Variants in PRTFDC1 observed in about 807,000 individuals in gnomAD.
PRTFDC1 encodes the protein phosphoribosyltransferase domain-containing protein 1.
PRTFDC1 carries 38 observed loss-of-function variants against 34.6 expected under a neutral mutation model. The ratio of observed to expected loss-of-function variants is 1.10; its 90% CI spans 0.85 to 1.44. The LOEUF (loss-of-function observed/expected upper bound fraction) is 1.44. Ranked by LOEUF, PRTFDC1 falls within the 40% of genes most tolerant of loss-of-function variation. The probability of loss-of-function intolerance (pLI) is 0.00; values close to 1 mark genes in which losing one functional copy is unlikely to be tolerated. For missense variants in PRTFDC1, 270 were observed against 283.0 expected (o/e 0.95, Z 0.33); for synonymous variants, 93 against 98.1 (o/e 0.95, Z 0.31).
At chr10:24,855,868 A>T (rs1446581457) in intron 6 of PRTFDC1, among the ~76,000 whole-genome samples, 1 of 152,132 alleles carries the variant, frequency 6.6e-6, no homozygotes, top group Admixed American at 6.6e-5. Context: ...CATGCTTGTA[A>T]TTCCAGCACT....
chr10:24,879,689 T>C (rs1402394435), intron 3 of PRTFDC1, among the ~76,000 whole-genome samples: 1 of 152,156 alleles, frequency 6.6e-6, no homozygotes, highest in Non-Finnish European at 1.5e-5. Context: ...GAGGAAATGT[T>C]CTGCTACCAA....
intron 3 of PRTFDC1, among the ~76,000 whole-genome samples, chr10:24,922,948 G>A (rs547394896): frequency 2.0e-5 from 3 of 152,176 alleles, no homozygotes; most frequent in Non-Finnish European, 4.4e-5. Flanking sequence ...TCCAAATACT[G>A]CACTTTTCCC....
intron 1 of PRTFDC1, among the ~76,000 whole-genome samples, chr10:24,945,429 T>C (rs1281317592): frequency 6.6e-6 from 1 of 152,222 alleles, no homozygotes; most frequent in Non-Finnish European, 1.5e-5. Context: ...ATCCATTGGC[T>C]GACTGATGGC....
intron 3 of PRTFDC1, among the ~76,000 whole-genome samples, chr10:24,905,375 G>A (rs534308744): frequency 1.4e-5 from 2 of 142,066 alleles, no homozygotes; most frequent in African/African-American, 5.3e-5. Context: ...AGGATGGAGT[G>A]CAGTGACACG....
Position 24,852,505 on chromosome 10 carries a change from C to T in PRTFDC1, c.554-1041G>A, listed in dbSNP as rs563394927. ...TGTCCAGGCGTGTGATCATGGCTCACGGCAGCCTCTACCTCCACAGGCTCA... is the reference window on the plus strand; with the variant it reads ...TGTCCAGGCGTGTGATCATGGCTCATGGCAGCCTCTACCTCCACAGGCTCA... On this transcript the variant is annotated intron_variant, in intron 7 of 8. Transcript: ENST00000320152. Among the ~76,000 whole-genome samples, 7 of 152,264 alleles carry T rather than the reference C, an allele frequency of 4.6e-5. No individual in the cohort carries two copies. In the South Asian group the frequency reaches 6.2e-4, roughly 14 times the overall value.
intron 3 of PRTFDC1, among the ~76,000 whole-genome samples, chr10:24,899,428 G>A (rs75736775): frequency 0.12 from 17,709 of 152,078 alleles, 1,262 homozygotes; most frequent in East Asian, 0.29. Context: ...GGGGTTATAC[G>A]CTTGGAGCTC....
intron 3 of PRTFDC1, among the ~76,000 whole-genome samples, chr10:24,890,338 A>C (rs1327623207): frequency 1.3e-5 from 2 of 152,214 alleles, no homozygotes; most frequent in Non-Finnish European, 2.9e-5. Flanking sequence ...GGGAGGATCT[A>C]GGAACAGCTC....
intron 1 of PRTFDC1, among the ~76,000 whole-genome samples, chr10:24,944,046 G>A (rs184447363): frequency 1.2e-3 from 185 of 152,020 alleles, no homozygotes; most frequent in Non-Finnish European, 1.3e-3. Context: ...TTCATTTGCC[G>A]TGCACCCCTT....
intron 1 of PRTFDC1, among the ~76,000 whole-genome samples, chr10:24,946,061 A>T (rs995191654): frequency 1.3e-5 from 2 of 152,114 alleles, no homozygotes; most frequent in Non-Finnish European, 2.9e-5. Flanking sequence ...TCCAGACCAC[A>T]TGTACTATCT....
chr10:24,904,742 C>G lies in PRTFDC1; in HGVS notation c.339+32442G>C, dbSNP rs76142067. 7.2e-3 allele frequency among the ~76,000 whole-genome samples: 1,098 copies of G among 152,282 alleles called. 10 individuals are homozygous for G. Among genetic ancestry groups the G allele is most frequent in the Non-Finnish European group, 0.012 (803 of 68,026 alleles). On this transcript the variant is annotated intron_variant, in intron 3 of 8. Coordinates refer to ENST00000320152, the MANE Select transcript of PRTFDC1 (RefSeq NM_020200.7). ...AGACCACTCTTATTTGTTCCTTTAC[C>G]TATGCTACTGATCCTGTCCATGTGC...
chr10:24,908,494 A>T, intron 3 of PRTFDC1: 2 of 1,611,586 alleles, frequency 1.2e-6, no homozygotes, highest in Non-Finnish European at 1.7e-6. Flanking sequence ...ACCTCACTGG[A>T]TCTCAGACCT....
In PRTFDC1 at chr10:24,890,645, G is replaced by T. The variant is rs140938234; in HGVS notation, c.340-18582C>A. 2.1e-3 allele frequency among the ~76,000 whole-genome samples: 313 copies of T among 152,294 alleles called. 2 individuals are homozygous for T. Among genetic ancestry groups the T allele is most frequent in the African/African-American group, 7.1e-3 (294 of 41,542 alleles). ...GGCAGGGAAGAGGGAACAGGAGGGA[G>T]GGCTATATGAACTCTGTTCCCTGTC... On this transcript the variant is annotated intron_variant, in intron 3 of 8. Coordinates refer to ENST00000320152, the MANE Select transcript of PRTFDC1 (RefSeq NM_020200.7).
chr10:24,917,256 A>C (rs1396667875), intron 3 of PRTFDC1, among the ~76,000 whole-genome samples: 4 of 152,274 alleles, frequency 2.6e-5, no homozygotes, highest in Admixed American at 2.6e-4. Context: ...CCATTTTTTA[A>C]CTGCAAGGGA....
intron 3 of PRTFDC1, among the ~76,000 whole-genome samples, chr10:24,877,187 C>T (rs952865343): frequency 6.6e-6 from 1 of 152,064 alleles, no homozygotes; most frequent in African/African-American, 2.4e-5. Flanking sequence ...AGGCACATAC[C>T]ACCATGCCCG....
At chr10:24,937,555 C>CTTTT (rs35562409) in intron 2 of PRTFDC1, among the ~76,000 whole-genome samples, 188 bp from the exon 3 acceptor site, 1 of 139,004 alleles carries the variant, frequency 7.2e-6, no homozygotes. Context: ...AAACATACTG[C>CTTTT]TTTTTTTTTT....
chr10:24,872,182 G>A (rs1386088692), intron 3 of PRTFDC1, 119 bp from the exon 4 acceptor site: 22 of 813,992 alleles, frequency 2.7e-5, no homozygotes, highest in Non-Finnish European at 4.0e-5. Flanking sequence ...AGCACAAATA[G>A]CTAATAGGGA....
chr10:24,863,833 T>A (rs1847727119), intron 4 of PRTFDC1, among the ~76,000 whole-genome samples: 1 of 151,828 alleles, frequency 6.6e-6, no homozygotes, highest in South Asian at 2.1e-4. Flanking sequence ...CCTAGCACTT[T>A]GGGAGGCTGA....
chr10:24,873,734 T>C (rs1032102946), intron 3 of PRTFDC1, among the ~76,000 whole-genome samples: 1 of 152,164 alleles, frequency 6.6e-6, no homozygotes, highest in Non-Finnish European at 1.5e-5. Flanking sequence ...TTGGATTCTC[T>C]CACTTGTAAC....
chr10:24,851,352 A>G (rs745856380), intron 8 of PRTFDC1, 36 bp downstream of exon 8: 68 of 1,585,114 alleles, frequency 4.3e-5, no homozygotes, highest in Non-Finnish European at 5.5e-5. Context: ...AAGTTCTTAT[A>G]AAAAGGGCGG....
Sources: allele counts gnomAD v4.1 joint callset (sites outside exome capture counted in the v4.1 genomes callset), GRCh38; gene constraint gnomAD v4.1.1; transcripts MANE v1.5; gene names NCBI Gene and HGNC (gene_info 2026-07-23, HGNC 2026-07-21).